TEAD1: variants seen among roughly 807,000 people sequenced by gnomAD.
The protein encoded by TEAD1 is transcriptional enhancer factor TEF-1.
In TEAD1, 9 loss-of-function variants were observed where a neutral mutation model predicts 54.9. That is an observed-to-expected ratio of 0.16 (90% CI 0.10 to 0.29). TEAD1 has a LOEUF of 0.29. TEAD1 is among the 10% of genes least tolerant of loss of function. TEAD1 has a pLI of 1.00. For missense variants in TEAD1, 387 were observed against 535.9 expected (o/e 0.72, Z 2.74); for synonymous variants, 200 against 187.8 (o/e 1.07, Z -0.53).
chr11:12,823,760 C>A (rs1390404450), intron 3 of TEAD1: 1 of 152,044 alleles, frequency 6.6e-6, no homozygotes, highest in Non-Finnish European at 1.5e-5. Context: ...GTCCAAAATC[C>A]CATTAGCAGA....
chr11:12,804,194 A>T (rs1946121242), intron 3 of TEAD1, among the ~76,000 whole-genome samples: 1 of 152,222 alleles, frequency 6.6e-6, no homozygotes, highest in African/African-American at 2.4e-5. Context: ...CTTTTTAAGG[A>T]AACTTTATGG....
chr11:12,775,996 C>T (rs566306266), intron 3 of TEAD1, among the ~76,000 whole-genome samples: 3 of 151,760 alleles, frequency 2.0e-5, no homozygotes, highest in East Asian at 3.9e-4. Flanking sequence ...GGGGAAGTTA[C>T]GGCAGGGTCA....
chr11:12,855,722 T>C (rs2134058044), intron 3 of TEAD1, among the ~76,000 whole-genome samples: 1 of 151,886 alleles, frequency 6.6e-6, no homozygotes, highest in Non-Finnish European at 1.5e-5. Flanking sequence ...GGCAGGAGGA[T>C]CACTTGAGGC....
intron 8 of TEAD1, 114 bp downstream of exon 8, chr11:12,882,071 G>T: frequency 8.7e-7 from 1 of 1,147,508 alleles, no homozygotes; most frequent in Non-Finnish European, 1.3e-6. Flanking sequence ...GCCGCACATT[G>T]CCCCTGACTT....
intron 3 of TEAD1, among the ~76,000 whole-genome samples, chr11:12,835,918 G>A (rs1253186041): frequency 6.6e-6 from 1 of 152,112 alleles, no homozygotes; most frequent in South Asian, 2.1e-4. Flanking sequence ...CTCTTGCACA[G>A]CATAGTGACT....
At chr11:12,842,690 C>T (rs180772226) in intron 3 of TEAD1, among the ~76,000 whole-genome samples, 3 of 152,112 alleles carry the variant, frequency 2.0e-5, no homozygotes, top group Admixed American at 6.5e-5. Context: ...ATGCTTAAAT[C>T]GTGTTTATGC....
intron 3 of TEAD1, among the ~76,000 whole-genome samples, chr11:12,856,991 A>G (rs7122343): frequency 0.024 from 3,724 of 152,272 alleles, 136 homozygotes; most frequent in African/African-American, 0.085. Context: ...TGCCTCAAAC[A>G]TGACCTTGAG....
At chr11:12,935,685 C>G (rs1207631749) in intron 12 of TEAD1, among the ~76,000 whole-genome samples, 1 of 152,074 alleles carries the variant, frequency 6.6e-6, no homozygotes, top group Non-Finnish European at 1.5e-5. Flanking sequence ...GTCTCGAACT[C>G]CTGACCTTGT....
chr11:12,759,637 C>T (rs1039515715), intron 2 of TEAD1, among the ~76,000 whole-genome samples: 8 of 152,036 alleles, frequency 5.3e-5, no homozygotes, highest in Non-Finnish European at 1.0e-4. Context: ...CCAAGGTGGG[C>T]GGATTATGAG....
intron 2 of TEAD1, among the ~76,000 whole-genome samples, chr11:12,699,913 A>G (rs1174086974): frequency 1.3e-5 from 2 of 152,150 alleles, no homozygotes; most frequent in Non-Finnish European, 2.9e-5. Context: ...TGAATTGAGG[A>G]TGGACCTGGG....
chr11:12,675,013 G>T (rs1168208883), intron 1 of TEAD1, among the ~76,000 whole-genome samples, 179 bp downstream of exon 1: 1 of 146,134 alleles, frequency 6.8e-6, no homozygotes, highest in Non-Finnish European at 1.5e-5. Context: ...CGCCCCCTCC[G>T]AGGTGAGCGG....
At chr11:12,761,915 G>A (rs1945110555) in intron 2 of TEAD1, among the ~76,000 whole-genome samples, 1 of 152,154 alleles carries the variant, frequency 6.6e-6, no homozygotes, top group African/African-American at 2.4e-5. Context: ...GACCAGTTGA[G>A]TAGATTTTGA....
chr11:12,936,902 A>G (rs951819048), intron 12 of TEAD1, among the ~76,000 whole-genome samples: 10 of 152,118 alleles, frequency 6.6e-5, no homozygotes, highest in African/African-American at 2.4e-4. Context: ...TCTAGAAGGT[A>G]TTTCTTACTT....
At chr11:12,886,794 A>G (rs557866355) in intron 9 of TEAD1, among the ~76,000 whole-genome samples, 67 of 152,084 alleles carry the variant, frequency 4.4e-4, no homozygotes, top group Non-Finnish European at 6.6e-4. Flanking sequence ...CCATGCCCCA[A>G]CCTTCTTCAC....
At chr11:12,812,873 AG>A (rs1415980783) in intron 3 of TEAD1, among the ~76,000 whole-genome samples, 1 of 152,246 alleles carries the variant, frequency 6.6e-6, no homozygotes, top group Non-Finnish European at 1.5e-5. Context: ...TAATACAGCA[AG>A]AATTCAATAG....
intron 2 of TEAD1, among the ~76,000 whole-genome samples, chr11:12,734,579 T>A (rs985423415): frequency 3.3e-5 from 5 of 152,248 alleles, no homozygotes; most frequent in Non-Finnish European, 5.9e-5. Context: ...GGAAGTGCCC[T>A]ATGCAGGTGT....
intron 5 of TEAD1, among the ~76,000 whole-genome samples, chr11:12,874,140 T>C (rs562232873): frequency 6.6e-6 from 1 of 152,380 alleles, no homozygotes; most frequent in Non-Finnish European, 1.5e-5. Context: ...TTGATTATGC[T>C]GTTCATTAAA....
chr11:12,832,561 T>G (rs1170841517), intron 3 of TEAD1, among the ~76,000 whole-genome samples: 3 of 152,220 alleles, frequency 2.0e-5, no homozygotes, highest in Non-Finnish European at 1.5e-5. Flanking sequence ...CTCAAAACTT[T>G]CCTATTGACA....
At chr11:12,934,696 A>T (rs1014906235) in intron 12 of TEAD1, among the ~76,000 whole-genome samples, 1 of 152,060 alleles carries the variant, frequency 6.6e-6, no homozygotes, top group African/African-American at 2.4e-5. Flanking sequence ...TTTCACCTTG[A>T]TTTATAAACA....
Sources: allele counts gnomAD v4.1 joint callset (sites outside exome capture counted in the v4.1 genomes callset), GRCh38; gene constraint gnomAD v4.1.1; transcripts MANE v1.5; gene names NCBI Gene and HGNC (gene_info 2026-07-23, HGNC 2026-07-21).